Variants in RAD51B observed in about 807,000 individuals in gnomAD.
RAD51B encodes RAD51 paralog B.
RAD51B carries 38 observed loss-of-function variants against 42.2 expected under a neutral mutation model. The observed-to-expected ratio is 0.90, with a 90% confidence interval of 0.70 to 1.18. The LOEUF is 1.18. Ranked by LOEUF, RAD51B falls within the 50% of genes most tolerant of loss-of-function variation. The probability of loss-of-function intolerance (pLI) is 0.00; values close to 1 mark genes in which losing one functional copy is unlikely to be tolerated. For synonymous variants in RAD51B, 154 were observed against 145.2 expected (o/e 1.06, Z -0.43); for missense variants, 373 against 400.7 (o/e 0.93, Z 0.59).
chr14:67,825,906 T>A (rs1388634972), intron 3 of RAD51B, among the ~76,000 whole-genome samples: 1 of 152,036 alleles, frequency 6.6e-6, no homozygotes, highest in Admixed American at 6.6e-5. Context: ...ATTTTTATAT[T>A]ATTAGTAGAG....
At chr14:68,237,133 AT>A (rs555653381) in intron 7 of RAD51B, among the ~76,000 whole-genome samples, 2 of 152,038 alleles carry the variant, frequency 1.3e-5, no homozygotes, top group African/African-American at 4.8e-5. Flanking sequence ...TTGGAAAAAA[AT>A]TTTTTTGCTG....
intron 7 of RAD51B, among the ~76,000 whole-genome samples, chr14:68,205,475 G>T (rs910655682): frequency 6.6e-6 from 1 of 152,154 alleles, no homozygotes; most frequent in African/African-American, 2.4e-5. Context: ...GAAGACTCTT[G>T]AGGACAAGTG....
At chr14:68,158,526 C>T (rs745579906) in intron 7 of RAD51B, among the ~76,000 whole-genome samples, 7 of 152,166 alleles carry the variant, frequency 4.6e-5, no homozygotes, top group Admixed American at 1.3e-4. Flanking sequence ...ACAAAGTGAA[C>T]TTTAACGTCA....
intron 7 of RAD51B, among the ~76,000 whole-genome samples, chr14:68,023,014 G>A (rs2075892548): frequency 6.6e-6 from 1 of 152,018 alleles, no homozygotes; most frequent in Non-Finnish European, 1.5e-5. Flanking sequence ...AGTATTCTGT[G>A]GTATATATGC....
intron 8 of RAD51B, among the ~76,000 whole-genome samples, chr14:68,364,818 G>A (rs184980024): frequency 6.6e-6 from 1 of 152,336 alleles, no homozygotes; most frequent in East Asian, 1.9e-4. Context: ...ATGTGTGTGT[G>A]TGAGGGTTTA....
intron 7 of RAD51B, among the ~76,000 whole-genome samples, chr14:67,957,716 T>G (rs1016931084): frequency 6.6e-6 from 1 of 152,206 alleles, no homozygotes; most frequent in Non-Finnish European, 1.5e-5. Flanking sequence ...ATATAATATG[T>G]GAGAATATTT....
At chr14:68,578,985 C>T (rs1224147106) in intron 10 of RAD51B, among the ~76,000 whole-genome samples, 1 of 152,194 alleles carries the variant, frequency 6.6e-6, no homozygotes, top group Non-Finnish European at 1.5e-5. Context: ...TTAGTAGCCT[C>T]TTCTCTGGCC....
chr14:68,144,265 C>G (rs2078204061), intron 7 of RAD51B, among the ~76,000 whole-genome samples: 1 of 152,128 alleles, frequency 6.6e-6, no homozygotes, highest in South Asian at 2.1e-4. Flanking sequence ...TCACCCCTGG[C>G]CTGTGTTGTT....
intron 8 of RAD51B, among the ~76,000 whole-genome samples, chr14:68,356,851 C>T (rs369133615): frequency 4.6e-5 from 7 of 151,990 alleles, no homozygotes; most frequent in African/African-American, 1.4e-4. Context: ...GGCGCGGTGG[C>T]GGGCGCCTGT....
rs530622998 is a variant in RAD51B at position 68,146,176 on chromosome 14, G to A, written c.757-145708G>A. Among the ~76,000 whole-genome samples the A allele has an allele frequency of 2.6e-4, 39 of 152,334 alleles. No individual in the cohort carries two copies. The South Asian group carries it at 7.7e-3, about 30-fold the overall frequency. ...CAAGAAAAGAAAGTTTAGGCTGGGC[G>A]TGGTGGCACATGCCTATAATCCTAG... On this transcript the variant is annotated intron_variant, in intron 7 of 10. Transcript: ENST00000471583.
intron 9 of RAD51B, among the ~76,000 whole-genome samples, chr14:68,443,123 A>C (rs1017465187): frequency 2.0e-5 from 3 of 152,220 alleles, no homozygotes; most frequent in African/African-American, 7.2e-5. Context: ...GAAAAATAAT[A>C]AAATAAAGAA....
chr14:68,363,311 G>A (rs777331706), intron 8 of RAD51B, among the ~76,000 whole-genome samples: 2 of 152,180 alleles, frequency 1.3e-5, no homozygotes, highest in Non-Finnish European at 2.9e-5. Context: ...TAAAGTAATG[G>A]TTTGGTGAAT....
At chr14:68,050,825 G>T (rs899706585) in intron 7 of RAD51B, among the ~76,000 whole-genome samples, 1 of 152,002 alleles carries the variant, frequency 6.6e-6, no homozygotes, top group Non-Finnish European at 1.5e-5. Context: ...TATAAATGGG[G>T]AGGGGGAGTG....
Position 68,638,027 on chromosome 14 carries a change from T to C in RAD51B, c.1037-12754T>C, listed in dbSNP as rs938588843. On this transcript the variant is annotated intron_variant, in intron 10 of 11. Coordinates refer to the RAD51B transcript ENST00000488612. ...AGGAGGCAGTTTCTTCAGTCACAGC[T>C]TTTCTCCTGGCTAGTTTGCAGAGGT... Among the ~76,000 whole-genome samples, 3 of 152,306 alleles carry C rather than the reference T, an allele frequency of 2.0e-5. No individual in the cohort carries two copies. The South Asian group carries it at 6.2e-4, about 32-fold the overall frequency.
chr14:68,342,666 A>G (rs145161144), intron 8 of RAD51B, among the ~76,000 whole-genome samples: 2 of 152,348 alleles, frequency 1.3e-5, no homozygotes, highest in Non-Finnish European at 2.9e-5. Flanking sequence ...AGTGAAGCCC[A>G]TCAAGTGAAA....
chr14:68,166,333 A>G (rs996436205), intron 7 of RAD51B, among the ~76,000 whole-genome samples: 1 of 151,990 alleles, frequency 6.6e-6, no homozygotes, highest in Non-Finnish European at 1.5e-5. Flanking sequence ...ACTAATTATT[A>G]TTTTTACAGT....
At chr14:68,403,294 G>A (rs1284730141) in intron 8 of RAD51B, among the ~76,000 whole-genome samples, 1 of 150,598 alleles carries the variant, frequency 6.6e-6, no homozygotes, top group African/African-American at 2.4e-5. Context: ...TATTTTGGGA[G>A]TCATTGCTTT....
At chr14:68,291,253 C>G (rs887216874) in intron 7 of RAD51B, among the ~76,000 whole-genome samples, 23 of 152,002 alleles carry the variant, frequency 1.5e-4, no homozygotes, top group African/African-American at 5.6e-4. Context: ...GGCTAGAGTG[C>G]AATGGTGCAA....
At chr14:68,601,797 C>T (rs893704249) in intron 10 of RAD51B, among the ~76,000 whole-genome samples, 1 of 152,176 alleles carries the variant, frequency 6.6e-6, no homozygotes, top group African/African-American at 2.4e-5. Context: ...CTGCATTTTC[C>T]TTGTCCTTTC....
Sources: gnomAD v4.1 joint callset for allele counts (sites outside exome capture counted in the v4.1 genomes callset) on GRCh38, gnomAD v4.1.1 for gene constraint, MANE v1.5 for transcripts, NCBI Gene and HGNC (gene_info 2026-07-23, HGNC 2026-07-21) for gene names.